Variants in POLR3E observed in about 807,000 individuals in gnomAD.
POLR3E encodes DNA-directed RNA polymerase III subunit RPC5.
A neutral mutation model predicts 96.6 loss-of-function variants in POLR3E; 41 were observed. The ratio of observed to expected loss-of-function variants is 0.42; its 90% CI spans 0.33 to 0.55. POLR3E has a LOEUF of 0.55. Ranked by LOEUF, POLR3E falls within the 20% of genes least tolerant of loss-of-function variation. The probability of loss-of-function intolerance (pLI) is 0.06; values close to 1 mark genes in which losing one functional copy is unlikely to be tolerated. For missense variants in POLR3E, 849 were observed against 952.1 expected, an observed-to-expected ratio of 0.89 and a Z score of 1.43; for synonymous variants, 396 against 383.6, an observed-to-expected ratio of 1.03 and a Z score of -0.38.
intron 19 of POLR3E, among the ~76,000 whole-genome samples, chr16:22,330,458 A>G (rs1567333958): frequency 6.6e-6 from 1 of 152,222 alleles, no homozygotes; most frequent in Non-Finnish European, 1.5e-5. Flanking sequence ...TCCATTGTAG[A>G]GCCAAACATC....
At chr16:22,304,246 C>T (rs988440036) in intron 2 of POLR3E, among the ~76,000 whole-genome samples, 1 of 152,172 alleles carries the variant, frequency 6.6e-6, no homozygotes, top group Non-Finnish European at 1.5e-5. Context: ...ATATGCGGAG[C>T]CTGACCTCCA....
At chr16:22,311,139 T>G (rs1192286218) in intron 6 of POLR3E, among the ~76,000 whole-genome samples, 1 of 152,104 alleles carries the variant, frequency 6.6e-6, no homozygotes, top group Non-Finnish European at 1.5e-5. Flanking sequence ...AGCTAATTTT[T>G]GTATTTTTAG....
intron 1 of POLR3E, among the ~76,000 whole-genome samples, chr16:22,298,666 G>A (rs1414024851): frequency 2.0e-5 from 3 of 152,160 alleles, no homozygotes; most frequent in African/African-American, 4.8e-5. Flanking sequence ...ATAAGAATAA[G>A]GATCTTTGAC....
intron 19 of POLR3E, among the ~76,000 whole-genome samples, chr16:22,329,315 T>C (rs1374331218): frequency 2.6e-5 from 4 of 152,244 alleles, no homozygotes; most frequent in Admixed American, 2.6e-4. Flanking sequence ...TCATTTTGCC[T>C]CTAGTCATAC....
In POLR3E at chr16:22,332,967, CTTTTT is replaced by C. The variant is rs1166614906; in HGVS notation, c.2071-657_2071-653del. 6.7e-4 allele frequency among the ~76,000 whole-genome samples: 49 copies of C among 73,074 alleles called. No homozygotes were observed. In the South Asian group the frequency reaches 0.028, roughly 42 times the overall value. The allele number at this position is 73,074 out of a possible 152,430, so 47.9% of individuals were successfully genotyped here. A position where few individuals can be genotyped will look rare whatever the true frequency, so the allele number is the denominator to read the frequency against. ...TCAGTATCTGTATTTCGTAGACCCC[CTTTTT>C]TTTTTTTTTTTTTTTTTTTGAGATG... is the stretch of plus-strand genomic sequence containing the variant. On this transcript the variant is annotated intron_variant, in intron 20 of 20. Coordinates refer to ENST00000299853, the MANE Select transcript of POLR3E (RefSeq NM_018119.4).
intron 19 of POLR3E, among the ~76,000 whole-genome samples, chr16:22,329,423 A>G (rs1382919094): frequency 6.6e-6 from 1 of 152,140 alleles, no homozygotes; most frequent in African/African-American, 2.4e-5. Flanking sequence ...CCTGCATCCC[A>G]GCTTTTCTTA....
At chr16:22,330,344 C>T (rs1339851017) in intron 19 of POLR3E, among the ~76,000 whole-genome samples, 1 of 152,176 alleles carries the variant, frequency 6.6e-6, no homozygotes, top group Non-Finnish European at 1.5e-5. Context: ...CTTGGCCTTC[C>T]AAAGTGCTGG....
At position 22,318,128 on chromosome 16, in the gene POLR3E, C is replaced by T. The variant is rs111624260; in HGVS notation, c.866-698C>T. Among the ~76,000 whole-genome samples the T allele has an allele frequency of 0.019, 2,903 of 151,636 alleles. 45 individuals carry two copies. The highest frequency in any genetic ancestry group is 0.031 in the Non-Finnish European group (2,130 of 67,930). On this transcript the variant is annotated intron_variant, in intron 12 of 20. Transcript: ENST00000299853. The surrounding 1 kb of genome is among the most constrained non-coding windows in gnomAD (Gnocchi z 5.0). Reference sequence around the variant, plus strand: ...TTTTTTTTTTTGAGACAGTCTTGCTCTGTCACCCAGGCTGGAGTGCAGTGG... The same window carrying T: ...TTTTTTTTTTTGAGACAGTCTTGCTTTGTCACCCAGGCTGGAGTGCAGTGG...
intron 13 of POLR3E, among the ~76,000 whole-genome samples, chr16:22,320,475 G>A (rs1056191279): frequency 6.6e-6 from 1 of 152,020 alleles, no homozygotes; most frequent in African/African-American, 2.4e-5. Flanking sequence ...TTGGCCAGCT[G>A]GTCTTGAACT....
chr16:22,332,740 A>G (rs1369994334), intron 20 of POLR3E, among the ~76,000 whole-genome samples: 1 of 152,084 alleles, frequency 6.6e-6, no homozygotes, highest in Non-Finnish European at 1.5e-5. Flanking sequence ...AATTTAGTTT[A>G]AAAAGGAATA....
chr16:22,332,442 C>T (rs1413653428), intron 20 of POLR3E, among the ~76,000 whole-genome samples: 1 of 152,174 alleles, frequency 6.6e-6, no homozygotes, highest in Non-Finnish European at 1.5e-5. Context: ...GCCATGGATG[C>T]TTTGTTTCTC....
rs1252985120 is a variant in POLR3E, at chr16:22,325,953, C to T, written c.1541C>T (p.Ala514Val). 15 of 1,590,698 alleles carry T rather than the reference C, an allele frequency of 9.4e-6. No homozygotes were observed. The highest frequency in any genetic ancestry group is 6.7e-5 in the African/African-American group (5 of 74,434). Residue 514 changes from alanine (A) to valine (V), a missense_variant, in exon 18 of 21, where the codon GCG becomes GTG. Coordinates refer to ENST00000299853, the MANE Select transcript of POLR3E (RefSeq NM_018119.4). ...GGCGAGGAGGACGAGGAGCAGGAGG[C>T]GGAGGAGGAGCCCATGGACACTTCC... ...EEGEEDEEQE[A>V]EEEPMDTSPS...
intron 19 of POLR3E, 86 bp from the exon 20 acceptor site, chr16:22,331,974 C>A: frequency 7.2e-7 from 1 of 1,385,706 alleles, no homozygotes; most frequent in South Asian, 1.3e-5. Flanking sequence ...AACACAAAGT[C>A]AGGTGCATGG....
intron 3 of POLR3E, among the ~76,000 whole-genome samples, chr16:22,307,283 C>T (rs1332090901): frequency 2.6e-5 from 4 of 152,178 alleles, no homozygotes; most frequent in African/African-American, 9.7e-5. Flanking sequence ...CTCAGAACTG[C>T]CCCCAGCCCC....
intron 20 of POLR3E, 60 bp from the exon 21 acceptor site, chr16:22,333,584 A>G (rs1280994597): frequency 8.9e-7 from 1 of 1,125,074 alleles, no homozygotes. Context: ...CATTGTGGAC[A>G]GAATGTAATT....
chr16:22,317,801 A>G (rs2048390932), intron 12 of POLR3E, among the ~76,000 whole-genome samples: 1 of 151,802 alleles, frequency 6.6e-6, no homozygotes, highest in South Asian at 2.1e-4. Context: ...CATTCACTGC[A>G]CCGGCTCAAC....
At chr16:22,325,297 C>T (rs1170242678) in intron 17 of POLR3E, 31 bp downstream of exon 17, 8 of 1,570,284 alleles carry the variant, frequency 5.1e-6, no homozygotes, top group South Asian at 1.1e-5. Flanking sequence ...TGGGAGGCCC[C>T]GGCTCCTACA....
At chr16:22,331,036 CCTCT>C (rs1322185582) in intron 19 of POLR3E, among the ~76,000 whole-genome samples, 7 of 110,744 alleles carry the variant, frequency 6.3e-5, no homozygotes, top group Admixed American at 1.4e-4. Flanking sequence ...ACAGAGTCTC[CCTCT>C]GTCAGCCAGG....
chr16:22,318,775 G>T lies in POLR3E; in HGVS notation c.866-51G>T. On this transcript the variant is annotated intron_variant, in intron 12 of 20. Coordinates refer to ENST00000299853, the MANE Select transcript of POLR3E (RefSeq NM_018119.4). This position sits in a 1 kb window ranked among gnomAD's most constrained non-coding sequence, Gnocchi z 5.0. Reference sequence around the variant, plus strand: ...TATGCGGACTCTCGGTGGAGGGGAGGGAAGGGCCCGGCCCCTCTTCCTTGT... The same window carrying T: ...TATGCGGACTCTCGGTGGAGGGGAGTGAAGGGCCCGGCCCCTCTTCCTTGT... The T allele has an allele frequency of 6.4e-7, 1 of 1,570,474 alleles. No individual in the cohort carries two copies. The highest frequency in any genetic ancestry group is 2.3e-5 in the East Asian group (1 of 43,848).
Sources: allele counts gnomAD v4.1 joint callset (sites outside exome capture counted in the v4.1 genomes callset), GRCh38; gene constraint gnomAD v4.1.1; non-coding constraint Gnocchi (gnomAD v3.1); transcripts MANE v1.5; gene names NCBI Gene and HGNC (gene_info 2026-07-23, HGNC 2026-07-21).